MGAT4C: variants seen among roughly 807,000 people sequenced by gnomAD.
MGAT4C encodes MGAT4 family member C, also known as alpha-1,3-mannosyl-glycoprotein 4-beta-N-acetylglucosaminyltransferase C.
A neutral mutation model predicts 40.1 loss-of-function variants in MGAT4C; 19 were observed. The observed-to-expected ratio is 0.47, with a 90% CI of 0.33 to 0.70. The LOEUF (loss-of-function observed/expected upper bound fraction) is 0.70, where lower values mean the gene tolerates loss of function less well. Ranked by LOEUF, MGAT4C falls within the 30% of genes least tolerant of loss-of-function variation. The pLI is 0.02. For missense variants in MGAT4C, 491 were observed against 563.2 expected, an observed-to-expected ratio of 0.87 and a Z score of 1.30; for synonymous variants, 181 against 187.1, an observed-to-expected ratio of 0.97 and a Z score of 0.27.
chr12:86,754,966 A>G (rs1230441726), intron 1 of MGAT4C, among the ~76,000 whole-genome samples: 2 of 152,042 alleles, frequency 1.3e-5, no homozygotes, highest in Admixed American at 1.3e-4. Flanking sequence ...TAATTTCTTC[A>G]CAACACAATG....
At chr12:86,229,478 G>C (rs1951229667) in intron 1 of MGAT4C, among the ~76,000 whole-genome samples, 1 of 151,982 alleles carries the variant, frequency 6.6e-6, no homozygotes, top group Non-Finnish European at 1.5e-5. Context: ...TTGGAAATTG[G>C]AGACAAAGAA....
intron 4 of MGAT4C, among the ~76,000 whole-genome samples, chr12:86,323,358 T>G (rs1954442442): frequency 1.3e-5 from 2 of 151,732 alleles, no homozygotes; most frequent in Non-Finnish European, 3.0e-5. Context: ...TTCAACTTGC[T>G]TTTTGTATCA....
At chr12:86,622,853 G>T (rs1013949886) in intron 2 of MGAT4C, among the ~76,000 whole-genome samples, 5 of 152,004 alleles carry the variant, frequency 3.3e-5, no homozygotes, top group Admixed American at 1.3e-4. Flanking sequence ...AGAATTAGTA[G>T]ACAAGTATAT....
chr12:85,983,533 T>C lies in MGAT4C; in HGVS notation c.285A>G (p.Leu95=). 6.4e-7 allele frequency: 1 copy of C among 1,562,540 alleles called. No homozygotes were observed. The highest frequency in any genetic ancestry group is 8.6e-7 in the Non-Finnish European group (1 of 1,161,006). ...TTTAAGGATACTTACGCTTTCTTTG[T>C]AAAGGTGTGGCAGCTAGGTAGCGAT... is the stretch of plus-strand genomic sequence containing the variant. ...VTYRYLAATP[L]QRKRYLTIGL... The change falls in exon 4 of 5, where the codon TTA becomes TTG. Residue 95 remains leucine (L), a synonymous_variant. Transcript: ENST00000611864.
intron 1 of MGAT4C, among the ~76,000 whole-genome samples, chr12:86,194,306 G>T (rs1949711893): frequency 6.6e-6 from 1 of 151,946 alleles, no homozygotes; most frequent in Admixed American, 6.6e-5. Context: ...ACATAGCCCT[G>T]CATCCTTTTA....
rs112691348 is a variant in MGAT4C, at chr12:86,370,996, G to A, written c.-119-36869C>T. On this transcript the variant is annotated intron_variant, in intron 3 of 7. Coordinates refer to the MGAT4C transcript ENST00000548651. ...GTTGCTATATGTATAGGAGCAGAGA[G>A]GCTGCAAGTTTAGATAAGTTGATTG... 5.6e-3 allele frequency among the ~76,000 whole-genome samples: 857 copies of A among 152,076 alleles called. 5 individuals carry two copies. Among genetic ancestry groups the A allele is most frequent in the African/African-American group, 0.02 (827 of 41,542 alleles).
intron 2 of MGAT4C, among the ~76,000 whole-genome samples, chr12:86,579,770 G>A (rs1407254719): frequency 1.3e-5 from 2 of 151,450 alleles, no homozygotes; most frequent in Non-Finnish European, 3.0e-5. Context: ...TTGTTTGTCT[G>A]GGGAAGTATT....
Position 86,022,279 on chromosome 12 carries a change from T to A in MGAT4C, c.-7+27395A>T, listed in dbSNP as rs114547929. Among the ~76,000 whole-genome samples the A allele has an allele frequency of 7.1e-3, 1,083 of 152,342 alleles. 14 individuals are homozygous for A. Among genetic ancestry groups the A allele is most frequent in the African/African-American group, 0.024 (1,008 of 41,572 alleles). ...CTTTCCTGATAGTTGTTATGAAGAATTTTTAAAAAACATTTTAAATGGTTA... is the reference window on the plus strand; with the variant it reads ...CTTTCCTGATAGTTGTTATGAAGAAATTTTAAAAAACATTTTAAATGGTTA... On this transcript the variant is annotated intron_variant, in intron 2 of 4. Coordinates refer to ENST00000611864, the MANE Select transcript of MGAT4C (RefSeq NM_001351288.2).
rs140119534 is a variant in MGAT4C, at chr12:85,991,817, C to G, written c.-6-2265G>C. Among the ~76,000 whole-genome samples, 431 of 152,248 alleles carry G rather than the reference C, an allele frequency of 2.8e-3. 1 individual carries two copies. Among genetic ancestry groups the G allele is most frequent in the Non-Finnish European group, 4.4e-3 (299 of 68,022 alleles). The stretch of plus-strand genomic sequence containing the variant: ...GACCTGCCTGGGCAATATAGTGAGA[C>G]CCCATTCTCCACAAAAAGGAAAAAG... On this transcript the variant is annotated intron_variant, in intron 2 of 4. Transcript: ENST00000611864.
intron 2 of MGAT4C, among the ~76,000 whole-genome samples, chr12:86,482,621 T>C (rs1957956134): frequency 6.6e-6 from 1 of 152,098 alleles, no homozygotes; most frequent in Admixed American, 6.6e-5. Context: ...TATACTGTTT[T>C]CAAATATCTT....
At chr12:86,499,093 G>A (rs1205574201) in intron 2 of MGAT4C, among the ~76,000 whole-genome samples, 1 of 151,446 alleles carries the variant, frequency 6.6e-6, no homozygotes, top group African/African-American at 2.4e-5. Context: ...ATTTTACTTT[G>A]TGTTAAGAAT....
At chr12:86,506,833 T>TA (rs1254052544) in intron 2 of MGAT4C, among the ~76,000 whole-genome samples, 1 of 152,164 alleles carries the variant, frequency 6.6e-6, no homozygotes, top group Non-Finnish European at 1.5e-5. Flanking sequence ...GTATGACATT[T>TA]AAGTTAGATG....
At chr12:86,448,116 C>T (rs1957369874) in intron 2 of MGAT4C, among the ~76,000 whole-genome samples, 1 of 152,138 alleles carries the variant, frequency 6.6e-6, no homozygotes, top group African/African-American at 2.4e-5. Context: ...TAGCCAAGTG[C>T]CTCCCATTTC....
intron 1 of MGAT4C, among the ~76,000 whole-genome samples, chr12:86,195,153 AG>A (rs1246178171): frequency 6.6e-6 from 1 of 152,146 alleles, no homozygotes; most frequent in African/African-American, 2.4e-5. Flanking sequence ...TTGACTTCTC[AG>A]TATCTGGACC....
chr12:86,835,591 T>A (rs1953021096), intron 1 of MGAT4C, among the ~76,000 whole-genome samples: 1 of 151,988 alleles, frequency 6.6e-6, no homozygotes. Flanking sequence ...TCCATATCCT[T>A]TGGGAAAATG....
chr12:86,293,564 C>CT (rs1953579837), intron 4 of MGAT4C, among the ~76,000 whole-genome samples: 1 of 150,282 alleles, frequency 6.7e-6, no homozygotes, highest in Non-Finnish European at 1.5e-5. Context: ...TTGCTTTGTT[C>CT]TTGTTTTTTA....
intron 2 of MGAT4C, among the ~76,000 whole-genome samples, chr12:86,612,669 A>G (rs1235558938): frequency 1.3e-5 from 2 of 150,388 alleles, no homozygotes; most frequent in African/African-American, 2.4e-5. Flanking sequence ...GAATCCGGGA[A>G]GCGAAGGCTG....
In MGAT4C at chr12:85,979,364, ATGT is replaced by A; in HGVS notation, c.1359_1361del (p.His454del). On this transcript the variant is annotated inframe_deletion, in exon 5 of 5. Coordinates refer to ENST00000611864, the MANE Select transcript of MGAT4C (RefSeq NM_001351288.2). ...TTTTGGTGACATATATCCTCATACA[ATGT>A]ATATCAAATGGAATTTTTTGATTTA... 1 of 1,612,554 alleles carries A rather than the reference ATGT, an allele frequency of 6.2e-7. No individual in the cohort carries two copies. Among genetic ancestry groups the A allele is most frequent in the Non-Finnish European group, 8.5e-7 (1 of 1,179,016 alleles).
intron 3 of MGAT4C, among the ~76,000 whole-genome samples, chr12:86,343,923 T>C (rs554603590): frequency 5.8e-4 from 89 of 152,280 alleles, no homozygotes; most frequent in Middle Eastern, 3.4e-3. Flanking sequence ...CGCCTGCTGT[T>C]TGGCCATTCT....
Sources: allele counts gnomAD v4.1 joint callset (sites outside exome capture counted in the v4.1 genomes callset), GRCh38; gene constraint gnomAD v4.1.1; transcripts MANE v1.5; gene names NCBI Gene and HGNC (gene_info 2026-07-23, HGNC 2026-07-21).